The following GDAP2 variants were observed in gnomAD, a reference collection of about 807,000 sequenced individuals.
GDAP2 encodes the protein ganglioside-induced differentiation-associated protein 2.
Under a neutral mutation model 67.0 loss-of-function variants are expected in GDAP2, and 51 were observed. That is an observed-to-expected ratio of 0.76 (90% CI 0.61 to 0.96). The LOEUF (loss-of-function observed/expected upper bound fraction) is 0.96, where lower values mean the gene tolerates loss of function less well. GDAP2 is among the 40% of genes least tolerant of loss of function. The probability of loss-of-function intolerance (pLI) is 0.00; values close to 1 mark genes in which losing one functional copy is unlikely to be tolerated. For missense variants in GDAP2, 547 were observed against 588.3 expected (o/e 0.93, Z 0.73); for synonymous variants, 203 against 207.3 (o/e 0.98, Z 0.18).
At position 117,890,197 on chromosome 1, in the gene GDAP2, T is replaced by C. The variant is rs540280048; in HGVS notation, c.954-2423A>G. ...ACTGGTGGTGGGGAAGGAGGTGGGG[T>C]GAGAAGGAGCAGAGTGGAGGCAAAT... On this transcript the variant is annotated intron_variant, in intron 8 of 13. Coordinates refer to ENST00000369443, the MANE Select transcript of GDAP2 (RefSeq NM_017686.4). Among the ~76,000 whole-genome samples the C allele has an allele frequency of 2.0e-5, 3 of 151,948 alleles. No individual in the cohort carries two copies. In the South Asian group the frequency reaches 6.2e-4, roughly 32 times the overall value.
At chr1:117,873,057 A>G (rs889285013) in intron 13 of GDAP2, among the ~76,000 whole-genome samples, 5 of 152,162 alleles carry the variant, frequency 3.3e-5, no homozygotes, top group Non-Finnish European at 5.9e-5. Flanking sequence ...CCTACATTAA[A>G]TTATGACAAA....
chr1:117,886,779 C>T (rs1648871395), intron 9 of GDAP2, 126 bp from the exon 10 acceptor site: 3 of 606,158 alleles, frequency 4.9e-6, no homozygotes, highest in Non-Finnish European at 8.7e-6. Context: ...GTATAAGTTG[C>T]TCAAATTTCA....
At chr1:117,885,841 T>TA (rs1333718517) in intron 10 of GDAP2, among the ~76,000 whole-genome samples, 4 of 152,308 alleles carry the variant, frequency 2.6e-5, no homozygotes, top group African/African-American at 9.6e-5. Context: ...ACTGATGTGC[T>TA]AGGATTCTCT....
intron 11 of GDAP2, 157 bp downstream of exon 11, chr1:117,883,331 G>A (rs889664806): frequency 1.1e-5 from 6 of 538,654 alleles, no homozygotes; most frequent in African/African-American, 1.9e-5. Flanking sequence ...TTTCAGTTAC[G>A]GAGGGTCTCC....
intron 6 of GDAP2, among the ~76,000 whole-genome samples, chr1:117,903,630 TG>T (rs1441608131): frequency 2.0e-5 from 3 of 152,204 alleles, no homozygotes; most frequent in Non-Finnish European, 4.4e-5. Flanking sequence ...AGTCCTACTT[TG>T]GGGTAGTATA....
chr1:117,912,573 T>G lies in GDAP2; in HGVS notation c.427A>C (p.Ser143Arg). Residue 143 changes from serine to arginine, a missense_variant, in exon 4 of 14, where the codon AGT becomes CGT. Ser to Arg is a moderately radical substitution (Grantham distance 110, BLOSUM62 -1). Transcript: ENST00000369443. ...YKSRYRTAAE[S>R]SLYSCYRNVL... The stretch of plus-strand genomic sequence containing the variant: ...TTTCTGTAGCAGCTATAAAGGGAAC[T>G]CTCAGCTGCTGTGCGATAGCGGCTT... 1 of 1,613,706 alleles carries G rather than the reference T, an allele frequency of 6.2e-7. No individual in the cohort carries two copies. The highest frequency in any genetic ancestry group is 8.5e-7 in the Non-Finnish European group (1 of 1,179,640).
At chr1:117,925,769 T>C (rs1468701471) in intron 1 of GDAP2, among the ~76,000 whole-genome samples, 1 of 152,212 alleles carries the variant, frequency 6.6e-6, no homozygotes, top group Non-Finnish European at 1.5e-5. Flanking sequence ...ATAAGGGTAA[T>C]TCTCCTAAGA....
chr1:117,906,674 G>A, intron 5 of GDAP2, 92 bp from the exon 6 acceptor site: 1 of 695,296 alleles, frequency 1.4e-6, no homozygotes, highest in Non-Finnish European at 2.5e-6. Flanking sequence ...GTTTTGTAAT[G>A]GATCACTTCT....
intron 13 of GDAP2, chr1:117,877,398 T>TG: frequency 1.6e-5 from 12 of 764,204 alleles, no homozygotes; most frequent in Non-Finnish European, 1.9e-5. Context: ...AGTGTGTTAC[T>TG]TTTTTTTTTT....
intron 13 of GDAP2, among the ~76,000 whole-genome samples, chr1:117,874,106 T>C (rs747978827): frequency 2.7e-4 from 41 of 152,344 alleles, no homozygotes; most frequent in Admixed American, 9.8e-4. Flanking sequence ...TATCCAGCGA[T>C]GTGCTCTCTG....
intron 6 of GDAP2, among the ~76,000 whole-genome samples, chr1:117,904,018 T>C (rs1056160318): frequency 6.6e-6 from 1 of 151,770 alleles, no homozygotes; most frequent in Admixed American, 6.6e-5. Context: ...GACAGAGTCT[T>C]GCTCTGTCAC....
intron 1 of GDAP2, among the ~76,000 whole-genome samples, chr1:117,925,930 C>T (rs745794768): frequency 6.6e-6 from 1 of 152,182 alleles, no homozygotes; most frequent in Non-Finnish European, 1.5e-5. Context: ...CACCAAATCA[C>T]TTTAATTTAA....
In GDAP2 at chr1:117,886,662, A is replaced by C. The variant is rs746140050; in HGVS notation, c.1031-9T>G. The C allele has an allele frequency of 6.8e-7, 1 of 1,479,904 alleles. No individual in the cohort carries two copies. Among genetic ancestry groups the C allele is most frequent in the Non-Finnish European group, 9.5e-7 (1 of 1,057,988 alleles). 91.7% of individuals were successfully genotyped at this position (1,479,904 alleles called of 1,614,324 possible). On this transcript the variant is annotated splice_polypyrimidine_tract_variant and intron_variant, in intron 9 of 13. Coordinates refer to ENST00000369443, the MANE Select transcript of GDAP2 (RefSeq NM_017686.4). ...ACCACAGTTATCAACACCTATAAAC[A>C]GGAAATGTCATCAGCACCCAGAAAC...
chr1:117,927,999 C>A, intron 1 of GDAP2, among the ~76,000 whole-genome samples: 1 of 152,170 alleles, frequency 6.6e-6, no homozygotes, highest in Admixed American at 6.5e-5. Flanking sequence ...CTCACAGTTG[C>A]TCTGATACCA....
At chr1:117,899,359 T>C (rs1435900444) in intron 6 of GDAP2, 143 bp from the exon 7 acceptor site, 13 of 621,862 alleles carry the variant, frequency 2.1e-5, no homozygotes, top group African/African-American at 1.1e-4. Flanking sequence ...GACTCGATAC[T>C]GTCTGAAACC....
intron 5 of GDAP2, among the ~76,000 whole-genome samples, chr1:117,908,758 G>A (rs1234761884): frequency 2.0e-5 from 3 of 152,040 alleles, no homozygotes; most frequent in Non-Finnish European, 2.9e-5. Context: ...CCAGGAGGTT[G>A]AGGCTGCATT....
intron 6 of GDAP2, among the ~76,000 whole-genome samples, chr1:117,899,739 A>T (rs1456392480): frequency 6.6e-6 from 1 of 152,128 alleles, no homozygotes; most frequent in South Asian, 2.1e-4. Context: ...TCCCATATCG[A>T]TTGGTCCACT....
rs374497513 is a variant in GDAP2, at chr1:117,919,703, A to AT, written c.176+478dup. Among the ~76,000 whole-genome samples, 358 of 152,350 alleles carry AT rather than the reference A, an allele frequency of 2.3e-3. 2 individuals carry two copies. Among genetic ancestry groups the AT allele is most frequent in the African/African-American group, 8.3e-3 (344 of 41,588 alleles). On this transcript the variant is annotated intron_variant, in intron 2 of 13. Transcript: ENST00000369443. ...ATGAATTATATTGTATATGAATAGT[A>AT]TTTCAGTAAAGCAGTTTTTTAAAGC... is the stretch of plus-strand genomic sequence containing the variant.
At chr1:117,890,707 C>T (rs904230523) in intron 8 of GDAP2, among the ~76,000 whole-genome samples, 4 of 151,926 alleles carry the variant, frequency 2.6e-5, no homozygotes, top group Non-Finnish European at 5.9e-5. Context: ...TATTGCTTTC[C>T]TTTTTATATT....
Sources: gnomAD v4.1 joint callset for allele counts (sites outside exome capture counted in the v4.1 genomes callset) on GRCh38, gnomAD v4.1.1 for gene constraint, MANE v1.5 for transcripts, NCBI Gene and HGNC (gene_info 2026-07-23, HGNC 2026-07-21) for gene names.